Variants in SLC30A7 observed in about 807,000 individuals in gnomAD.
The protein encoded by SLC30A7 is solute carrier family 30 member 7, also known as zinc transporter 7.
In SLC30A7, 35 loss-of-function variants were observed where a neutral mutation model predicts 46.0. That is an observed-to-expected ratio of 0.76 (90% CI 0.58 to 1.01). The LOEUF (loss-of-function observed/expected upper bound fraction) is 1.01. Among genes scored for constraint, SLC30A7 ranks in the 50% least tolerant of loss-of-function variants. The pLI, the probability that SLC30A7 is intolerant of heterozygous loss-of-function variation, is 0.00. For synonymous variants in SLC30A7, 147 were observed against 157.8 expected (o/e 0.93, Z 0.51); for missense variants, 464 against 451.1 (o/e 1.03, Z -0.26).
At chr1:100,960,948 T>G (rs900761079) in intron 8 of SLC30A7, among the ~76,000 whole-genome samples, 3 of 16,800 alleles carry the variant, frequency 1.8e-4, no homozygotes, top group Admixed American at 4.8e-4. Flanking sequence ...GTTTTGTGTG[T>G]TTTTTTTTTT....
chr1:100,943,777 G>A (rs1329234000), intron 8 of SLC30A7, among the ~76,000 whole-genome samples: 1 of 152,142 alleles, frequency 6.6e-6, no homozygotes, highest in Admixed American at 6.5e-5. Context: ...GGAGAATAAA[G>A]ATGATCTTTA....
intron 6 of SLC30A7, among the ~76,000 whole-genome samples, chr1:100,915,545 G>A (rs1285936708): frequency 1.3e-5 from 2 of 152,000 alleles, no homozygotes; most frequent in Non-Finnish European, 2.9e-5. Context: ...GTCCTTCTGT[G>A]TCTGGCTTAT....
intron 8 of SLC30A7, among the ~76,000 whole-genome samples, chr1:100,939,775 G>T (rs577185573): frequency 3.3e-5 from 5 of 151,946 alleles, no homozygotes; most frequent in East Asian, 1.9e-4. Context: ...CATGAACCCA[G>T]GAGGTGGAGC....
At chr1:100,937,006 T>A (rs1654004556) in intron 8 of SLC30A7, among the ~76,000 whole-genome samples, 1 of 152,192 alleles carries the variant, frequency 6.6e-6, no homozygotes, top group African/African-American at 2.4e-5. Flanking sequence ...TTACTCATAC[T>A]CATACACATA....
At chr1:100,941,239 T>C in intron 8 of SLC30A7, 1 of 381,442 alleles carries the variant, frequency 2.6e-6, no homozygotes, top group Non-Finnish European at 5.1e-6. Flanking sequence ...CAAAATCCAT[T>C]TTAACCATCC....
chr1:100,990,721 C>T, the SLC30A7 span: 1 of 1,191,410 alleles, frequency 8.4e-7, no homozygotes, highest in East Asian at 2.5e-5. Context: ...AAGTACATTT[C>T]AAGAAGCCCC....
intron 2 of SLC30A7, among the ~76,000 whole-genome samples, chr1:100,899,717 A>G (rs911566349): frequency 2.6e-5 from 4 of 152,168 alleles, no homozygotes; most frequent in Non-Finnish European, 4.4e-5. Context: ...ATGGTTGCTT[A>G]CACAAGATAA....
At chr1:100,956,143 G>A (rs1655206662) in intron 8 of SLC30A7, among the ~76,000 whole-genome samples, 1 of 151,908 alleles carries the variant, frequency 6.6e-6, no homozygotes, top group Non-Finnish European at 1.5e-5. Flanking sequence ...TTATATCAGT[G>A]ATGATGTCTT....
In SLC30A7 at chr1:100,896,184, C is replaced by T; in HGVS notation, c.-79C>T. 8.0e-7 allele frequency: 1 copy of T among 1,254,534 alleles called. No individual in the cohort carries two copies. Among genetic ancestry groups the T allele is most frequent in the Non-Finnish European group, 1.2e-6 (1 of 856,498 alleles). The allele number at this position is 1,254,534 out of a possible 1,614,324, so 77.7% of individuals were successfully genotyped here. Reference sequence around the variant, plus strand: ...AAGCGCTGGGGATTCCCGTTTGAGGCGTCACTACTGTCACTGCCATCACCC... The same window carrying T: ...AAGCGCTGGGGATTCCCGTTTGAGGTGTCACTACTGTCACTGCCATCACCC... On this transcript the variant is annotated 5_prime_UTR_variant, in exon 1 of 11. Transcript: ENST00000357650.
intron 7 of SLC30A7, 40 bp downstream of exon 7, chr1:100,918,167 C>T (rs1226225118): frequency 1.3e-6 from 2 of 1,529,688 alleles, no homozygotes; most frequent in Non-Finnish European, 1.8e-6. Flanking sequence ...TTTTTTGAAA[C>T]TGCTTTTATA....
chr1:100,958,183 T>A (rs764032459), intron 8 of SLC30A7, among the ~76,000 whole-genome samples: 50 of 152,250 alleles, frequency 3.3e-4, no homozygotes, highest in Non-Finnish European at 6.2e-4. Flanking sequence ...GTTGTTGTTT[T>A]CTTTTTTTTT....
rs1423634477 is a variant in SLC30A7 at position 100,913,715 on chromosome 1, C to T, written c.564C>T (p.Gly188=). 1.2e-6 allele frequency: 2 copies of T among 1,613,930 alleles called. No homozygotes were observed. Among genetic ancestry groups the T allele is most frequent in the Non-Finnish European group, 8.5e-7 (1 of 1,179,840 alleles). The stretch of plus-strand genomic sequence containing the variant: ...ATGGTGCTCTAGATCAGGCACATGG[C>T]CATGTCGATCATTGCCATAGCCATG... ...LFNGALDQAH[G]HVDHCHSHEV... The change falls in exon 6 of 11, where the codon GGC becomes GGT. Residue 188 remains glycine, a synonymous_variant. Transcript: ENST00000357650.
intron 8 of SLC30A7, among the ~76,000 whole-genome samples, chr1:100,950,469 A>G (rs1214530187): frequency 6.6e-6 from 1 of 152,196 alleles, no homozygotes; most frequent in Non-Finnish European, 1.5e-5. Context: ...TGGGCCCAGA[A>G]TGGAAATTGG....
intron 8 of SLC30A7, among the ~76,000 whole-genome samples, chr1:100,951,750 C>A (rs77961972): frequency 0.014 from 2,171 of 152,290 alleles, 46 homozygotes; most frequent in African/African-American, 0.048. Context: ...CTGATTTCTC[C>A]CTCCTTACCC....
At chr1:100,959,907 A>G (rs1655442234) in intron 8 of SLC30A7, among the ~76,000 whole-genome samples, 1 of 152,114 alleles carries the variant, frequency 6.6e-6, no homozygotes, top group Non-Finnish European at 1.5e-5. Context: ...CTATTATAAT[A>G]ATCCACGTAA....
chr1:100,925,450 C>A (rs1448591832), intron 8 of SLC30A7, among the ~76,000 whole-genome samples: 1 of 152,082 alleles, frequency 6.6e-6, no homozygotes, highest in Non-Finnish European at 1.5e-5. Flanking sequence ...ACAGGCAGAC[C>A]AGCTAGAAGG....
rs377072925 is a variant in SLC30A7, at chr1:100,946,024, G to A, written c.843-15804G>A. Among the ~76,000 whole-genome samples, 119 of 152,198 alleles carry A rather than the reference G, an allele frequency of 7.8e-4. 2 individuals carry two copies. The South Asian group carries it at 0.023, about 30-fold the overall frequency. On this transcript the variant is annotated intron_variant, in intron 8 of 10. Coordinates refer to ENST00000357650, the MANE Select transcript of SLC30A7 (RefSeq NM_133496.5). ...ACATCCCCTGTAAGTTGGATTCCTA[G>A]GTATTTTATTCTCTTTGAAGCAATT... is the stretch of plus-strand genomic sequence containing the variant.
intron 8 of SLC30A7, among the ~76,000 whole-genome samples, chr1:100,957,543 G>A (rs569602873): frequency 1.5e-4 from 23 of 152,188 alleles, no homozygotes; most frequent in African/African-American, 5.3e-4. Context: ...TTTTATAGAT[G>A]AGAAAACTGA....
Position 100,974,811 on chromosome 1 carries a change from C to A in SLC30A7, c.1085C>A (p.Ala362Asp). The change falls in exon 11 of 11, where the codon GCT becomes GAT. Residue 362 changes from alanine to aspartate, a missense_variant and splice_region_variant. Transcript: ENST00000357650. The part of the protein sequence containing the change: ...LSQTHNIFTQ[A>D]GVRQLYVQID... ...ACTTTTTTTTTTCTTACTTTTCAGG[C>A]TGGAGTGAGACAGCTCTACGTACAG... is the stretch of plus-strand genomic sequence containing the variant. 1 of 1,575,340 alleles carries A rather than the reference C, an allele frequency of 6.3e-7. No homozygotes were observed. Among genetic ancestry groups the A allele is most frequent in the Admixed American group, 1.7e-5 (1 of 59,010 alleles).
Sources: allele counts gnomAD v4.1 joint callset (sites outside exome capture counted in the v4.1 genomes callset), GRCh38; gene constraint gnomAD v4.1.1; transcripts MANE v1.5; gene names NCBI Gene and HGNC (gene_info 2026-07-23, HGNC 2026-07-21).